The following CLIP2 variants were observed in gnomAD, a reference collection of about 807,000 sequenced individuals.
CLIP2 encodes the protein CAP-Gly domain containing linker protein 2, also known as CAP-Gly domain-containing linker protein 2.
In CLIP2, 41 loss-of-function variants were observed where a neutral mutation model predicts 111.7. The observed-to-expected ratio is 0.37, with a 90% CI of 0.29 to 0.48. The LOEUF is 0.48. CLIP2 is among the 20% of genes least tolerant of loss of function. The pLI is 0.99. For missense variants in CLIP2, 1,160 were observed against 1,422.1 expected, an observed-to-expected ratio of 0.82 and a Z score of 2.96; for synonymous variants, 660 against 644.2, an observed-to-expected ratio of 1.02 and a Z score of -0.37.
At chr7:74,299,324 A>AAAATAAATAAATAAAT (rs56395750) in intron 1 of CLIP2, among the ~76,000 whole-genome samples, 74 of 147,342 alleles carry the variant, frequency 5.0e-4, no homozygotes, top group African/African-American at 9.6e-4. Flanking sequence ...GACCCTGTCT[A>AAAATAAATAAATAAAT]AAATAAATAA....
chr7:74,316,559 G>C (rs890427201), intron 1 of CLIP2, among the ~76,000 whole-genome samples: 7 of 148,868 alleles, frequency 4.7e-5, no homozygotes, highest in Non-Finnish European at 8.9e-5. Flanking sequence ...CCCTTTTAGG[G>C]CTTTTTTTTT....
chr7:74,325,686 G>T (rs532692419), intron 2 of CLIP2, among the ~76,000 whole-genome samples: 2 of 151,538 alleles, frequency 1.3e-5, no homozygotes, highest in South Asian at 4.2e-4. Flanking sequence ...ACAAAAATTA[G>T]CTGGGCGTGG....
Position 74,375,876 on chromosome 7 carries a change from T to C in CLIP2, c.1486-11T>C. 1 of 1,498,788 alleles carries C rather than the reference T, an allele frequency of 6.7e-7. No individual in the cohort carries two copies. The highest frequency in any genetic ancestry group is 8.9e-7 in the Non-Finnish European group (1 of 1,121,796). The allele number at this position is 1,498,788 out of a possible 1,614,324, so 92.8% of individuals were successfully genotyped here. A position where few individuals can be genotyped will look rare whatever the true frequency, so the allele number is the denominator to read the frequency against. Reference sequence around the variant, plus strand: ...CAGCCCGCTGATCCCTGTCTCCCTCTCTCCCCACAGCTGACCACAGTGGCC... The same window carrying C: ...CAGCCCGCTGATCCCTGTCTCCCTCCCTCCCCACAGCTGACCACAGTGGCC... On this transcript the variant is annotated splice_polypyrimidine_tract_variant and intron_variant, in intron 9 of 16. Coordinates refer to ENST00000223398, the MANE Select transcript of CLIP2 (RefSeq NM_003388.5).
At chr7:74,346,285 A>C (rs1554306243) in intron 3 of CLIP2, among the ~76,000 whole-genome samples, 1 of 152,106 alleles carries the variant, frequency 6.6e-6, no homozygotes, top group Admixed American at 6.6e-5. Flanking sequence ...GCAGCTATGA[A>C]GATAAATTTT....
chr7:74,376,543 C>G lies in CLIP2; in HGVS notation c.2142C>G (p.His714Gln), dbSNP rs782548183. 3.7e-6 allele frequency: 6 copies of G among 1,604,382 alleles called. No homozygotes were observed. In the Admixed American group the frequency reaches 7.0e-5, roughly 19 times the overall value. Residue 714 changes from histidine (H) to glutamine (Q), a missense_variant, in exon 10 of 17, where the codon CAC becomes CAG. His to Gln is a conservative substitution (Grantham distance 24). This residue lies in a region of CLIP2 where 676 missense variants were observed against 777.8 expected (regional missense o/e 0.87). Transcript: ENST00000223398. The surrounding 1 kb of genome is among the most constrained non-coding windows in gnomAD (Gnocchi z 7.1). ...RAQLEVQASQ[H>Q]RLELQEAQDQ... is the part of the protein sequence containing the mutation. ...AGCTGGAGGTGCAAGCCAGCCAGCA[C>G]CGGCTGGAGCTGCAGGAGGCCCAGG...
chr7:74,371,209 G>A lies in CLIP2; in HGVS notation c.1381-1723G>A, dbSNP rs187645316. ...CAGTGAGCCGAGATCGCGCCACTGC[G>A]CTCCAGCCTGGGTGAAAGAGGGAAA... On this transcript the variant is annotated intron_variant, in intron 8 of 16. Coordinates refer to ENST00000223398, the MANE Select transcript of CLIP2 (RefSeq NM_003388.5). Among the ~76,000 whole-genome samples, 507 of 138,650 alleles carry A rather than the reference G, an allele frequency of 3.7e-3. 2 individuals are homozygous for A. The highest frequency in any genetic ancestry group is 5.6e-3 in the Non-Finnish European group (371 of 65,878). 91.0% of individuals were successfully genotyped at this position (138,650 alleles called of 152,430 possible). A position where few individuals can be genotyped will look rare whatever the true frequency, so the allele number is the denominator to read the frequency against.
rs151024538 is a variant in CLIP2, at chr7:74,329,215, C to T, written c.122-9233C>T. On this transcript the variant is annotated intron_variant, in intron 2 of 16. Coordinates refer to ENST00000223398, the MANE Select transcript of CLIP2 (RefSeq NM_003388.5). ...TGCTGGGATTACAGGCGTGAGCCAC[C>T]GCACCCGGCCATTTTTCTATTATTT... Among the ~76,000 whole-genome samples the T allele has an allele frequency of 1.6e-3, 244 of 151,720 alleles. 1 individual carries two copies. The highest frequency in any genetic ancestry group is 3.0e-3 in the Admixed American group (45 of 15,170).
rs1171905552 is a variant in CLIP2, at chr7:74,389,161, G to A, written c.2622G>A (p.Lys874=). ...AGGTGGACGCCCTCCTGAAGGAGAA[G>A]CGGCGCCTGGAGGCAGAGCTGGAGA... The part of the protein sequence containing the change: ...EKKVDALLKE[K]RRLEAELETV... The change falls in exon 13 of 17, where the codon AAG becomes AAA. Residue 874 remains lysine, a synonymous_variant. Coordinates refer to ENST00000223398, the MANE Select transcript of CLIP2 (RefSeq NM_003388.5). 1.2e-6 allele frequency: 2 copies of A among 1,613,650 alleles called. No individual in the cohort carries two copies. Among genetic ancestry groups the A allele is most frequent in the Admixed American group, 3.3e-5 (2 of 59,966 alleles).
chr7:74,361,176 T>TTTCTTTCCTTCCTTCCTTCCTTCC (rs782530912), intron 7 of CLIP2, among the ~76,000 whole-genome samples: 1 of 62,016 alleles, frequency 1.6e-5, no homozygotes, highest in African/African-American at 5.8e-5. Context: ...CCCTCCCTTC[T>TTTCTTTCCTTCCTTCCTTCCTTCC]TTCCTTCCTT....
chr7:74,296,744 G>A lies in CLIP2; in HGVS notation c.-68+7010G>A, dbSNP rs540354557. On this transcript the variant is annotated intron_variant, in intron 1 of 16. Coordinates refer to ENST00000223398, the MANE Select transcript of CLIP2 (RefSeq NM_003388.5). ...GCAGAGGTTGCAGTAAGCTGAGATC[G>A]CGTCACTGCACTCCAGCCTGGGTGA... 3.3e-4 allele frequency among the ~76,000 whole-genome samples: 50 copies of A among 149,770 alleles called. 2 individuals are homozygous for A. In the South Asian group the frequency reaches 6.5e-3, roughly 19 times the overall value.
At chr7:74,347,071 T>G (rs1789817088) in intron 3 of CLIP2, among the ~76,000 whole-genome samples, 1 of 151,714 alleles carries the variant, frequency 6.6e-6, no homozygotes. Flanking sequence ...GAAAAACACC[T>G]TAGATCCCTT....
At chr7:74,403,690 TC>T in intron 16 of CLIP2, 146 bp from the exon 17 acceptor site, 1 of 813,888 alleles carries the variant, frequency 1.2e-6, no homozygotes, top group Non-Finnish European at 2.1e-6. Context: ...GGGAGACACT[TC>T]CTGCCTCAGG....
intron 7 of CLIP2, among the ~76,000 whole-genome samples, chr7:74,362,870 G>A (rs1387874269): frequency 2.0e-5 from 3 of 152,062 alleles, no homozygotes; most frequent in Non-Finnish European, 4.4e-5. Flanking sequence ...TGTTCAGAAG[G>A]GGCCTGGGTG....
At chr7:74,298,913 A>G (rs1357968624) in intron 1 of CLIP2, among the ~76,000 whole-genome samples, 6 of 152,182 alleles carry the variant, frequency 3.9e-5, no homozygotes, top group Admixed American at 6.6e-5. Context: ...GGAACCCGGC[A>G]TGGCACGTGC....
rs1562709323 is a variant in CLIP2, at chr7:74,360,229, GT to G, written c.1271del (p.Val424GlyfsTer68). Reference protein sequence around the residue: ...LQRARLLVESVRKEKVDLSNQ... With the variant: ...LQRARLLVESXRKEKVDLSNQ... ...GCGAGCCCGGCTGCTCGTGGAGAGC[GT>G]GCGGAAAGAGAAGGTGGACCTGTCC... On this transcript the variant is annotated frameshift_variant, in exon 7 of 17. Coordinates refer to ENST00000223398, the MANE Select transcript of CLIP2 (RefSeq NM_003388.5). LOFTEE classifies it high-confidence loss of function. The G allele has an allele frequency of 6.2e-7, 1 of 1,607,928 alleles. No homozygotes were observed. Among genetic ancestry groups the G allele is most frequent in the Non-Finnish European group, 8.5e-7 (1 of 1,177,448 alleles).
At chr7:74,382,807 C>T (rs1376559945) in intron 11 of CLIP2, among the ~76,000 whole-genome samples, 1 of 151,528 alleles carries the variant, frequency 6.6e-6, no homozygotes, top group African/African-American at 2.4e-5. Flanking sequence ...TATGGTGGCT[C>T]ACACTTGTAA....
rs543150166 is a variant in CLIP2, at chr7:74,349,372, G to A, written c.679-4508G>A. Among the ~76,000 whole-genome samples, 217 of 147,442 alleles carry A rather than the reference G, an allele frequency of 1.5e-3. 1 individual carries two copies. The highest frequency in any genetic ancestry group is 7.1e-3 in the Middle Eastern group (2 of 282). ...CTTGAACCCAGGAGGCAGAGGTTGC[G>A]GTCAGCTGAGATCGTGCCACTGCAC... On this transcript the variant is annotated intron_variant, in intron 3 of 16. Transcript: ENST00000223398.
chr7:74,336,408 C>G (rs2116552657), intron 2 of CLIP2, among the ~76,000 whole-genome samples: 1 of 152,138 alleles, frequency 6.6e-6, no homozygotes, highest in South Asian at 2.1e-4. Flanking sequence ...GTTTAATGGA[C>G]TCACAGTTCC....
chr7:74,390,122 A>AGAAAAG (rs1791232950), intron 13 of CLIP2, among the ~76,000 whole-genome samples: 2 of 127,982 alleles, frequency 1.6e-5, no homozygotes, highest in African/African-American at 7.1e-5. Context: ...AAAGAAAGAA[A>AGAAAAG]AGAGAGAGAG....
Sources: gnomAD v4.1 joint callset for allele counts (sites outside exome capture counted in the v4.1 genomes callset) on GRCh38, gnomAD v4.1.1 for gene constraint, gnomAD v4.1.1 regional missense constraint, Gnocchi (gnomAD v3.1) non-coding constraint, MANE v1.5 for transcripts, NCBI Gene and HGNC (gene_info 2026-07-23, HGNC 2026-07-21) for gene names.